The following SPHKAP variants were observed in gnomAD, a reference collection of about 807,000 sequenced individuals.
SPHKAP encodes SPHK1 interactor, AKAP domain containing, also known as A-kinase anchor protein SPHKAP.
Under a neutral mutation model 137.5 loss-of-function variants are expected in SPHKAP, and 67 were observed. The ratio of observed to expected loss-of-function variants is 0.49; its 90% CI spans 0.40 to 0.60. The LOEUF is 0.60. SPHKAP is among the 20% of genes least tolerant of loss of function. The pLI is 0.00. For synonymous variants in SPHKAP, 813 were observed against 785.3 expected, an observed-to-expected ratio of 1.04 and a Z score of -0.59; for missense variants, 2,097 against 2,069.3, an observed-to-expected ratio of 1.01 and a Z score of -0.26.
At chr2:228,150,916 G>A (rs1699909693) in intron 1 of SPHKAP, among the ~76,000 whole-genome samples, 1 of 151,564 alleles carries the variant, frequency 6.6e-6, no homozygotes, top group South Asian at 2.1e-4. Flanking sequence ...TGCATAGATA[G>A]TTTATTTATT....
intron 3 of SPHKAP, among the ~76,000 whole-genome samples, chr2:228,106,522 A>G (rs1189279797): frequency 6.6e-6 from 1 of 152,218 alleles, no homozygotes; most frequent in African/African-American, 2.4e-5. Flanking sequence ...TTAAAATTAA[A>G]CTTTAATGAG....
chr2:228,076,026 G>T (rs570936995), intron 3 of SPHKAP, among the ~76,000 whole-genome samples: 8 of 152,236 alleles, frequency 5.3e-5, no homozygotes, highest in African/African-American at 1.9e-4. Flanking sequence ...GGTCTTTTCT[G>T]CATGTTCTCA....
intron 3 of SPHKAP, among the ~76,000 whole-genome samples, chr2:228,071,324 T>G (rs555378512): frequency 6.6e-6 from 1 of 152,370 alleles, no homozygotes; most frequent in African/African-American, 2.4e-5. Flanking sequence ...AACCTGTTCA[T>G]GCAAATATTT....
chr2:227,994,780 T>C (rs765742057), intron 8 of SPHKAP, among the ~76,000 whole-genome samples: 4 of 152,328 alleles, frequency 2.6e-5, no homozygotes, highest in Middle Eastern at 3.4e-3. Flanking sequence ...TGACAAACTC[T>C]TTAACATTGT....
At chr2:227,995,840 C>A in intron 7 of SPHKAP, 146 bp from the exon 8 acceptor site, 1 of 1,256,514 alleles carries the variant, frequency 8.0e-7, no homozygotes, top group Non-Finnish European at 1.0e-6. Context: ...TCTGCTGGTG[C>A]CCTAGGTCCC....
In SPHKAP at chr2:228,181,632, G is replaced by A; in HGVS notation, c.-34C>T. 1 of 1,614,152 alleles carries A rather than the reference G, an allele frequency of 6.2e-7. No homozygotes were observed. Among genetic ancestry groups the A allele is most frequent in the Non-Finnish European group, 8.5e-7 (1 of 1,180,006 alleles). On this transcript the variant is annotated 5_prime_UTR_variant, in exon 1 of 12. Transcript: ENST00000392056. The surrounding 1 kb of genome is among the most constrained non-coding windows in gnomAD (Gnocchi z 4.3). ...GGCGCCCAGAGAAGAAAGACGGAAAGTGCAGGCGAAGGATAAGTCTGTGGT... is the reference window on the plus strand; with the variant it reads ...GGCGCCCAGAGAAGAAAGACGGAAAATGCAGGCGAAGGATAAGTCTGTGGT...
At chr2:228,022,000 A>G in intron 5 of SPHKAP, 34 bp from the exon 6 acceptor site, 1 of 1,540,670 alleles carries the variant, frequency 6.5e-7, no homozygotes. Context: ...CATTTATTCA[A>G]AAGGGAAAAT....
rs938606602 is a variant in SPHKAP at position 228,079,896 on chromosome 2, G to C, written c.246+28936C>G. On this transcript the variant is annotated intron_variant, in intron 3 of 11. Coordinates refer to ENST00000392056, the MANE Select transcript of SPHKAP (RefSeq NM_001142644.2). ...CCAGCCCCTAAACGCTAGCAGCAAG[G>C]CCTCCCTCAAACCACGCCATGTGCA... Among the ~76,000 whole-genome samples, 3 of 152,176 alleles carry C rather than the reference G, an allele frequency of 2.0e-5. 1 individual carries two copies. Among genetic ancestry groups the C allele is most frequent in the Non-Finnish European group, 2.9e-5 (2 of 68,038 alleles).
chr2:227,996,419 G>A (rs72973320), intron 7 of SPHKAP, among the ~76,000 whole-genome samples: 10,403 of 152,130 alleles, frequency 0.068, 510 homozygotes, highest in Middle Eastern at 0.2. Context: ...GTGAATTTCT[G>A]TCTCTCTGGT....
chr2:228,017,234 C>T lies in SPHKAP; in HGVS notation c.3620G>A (p.Arg1207Lys). The change falls in exon 7 of 12, where the codon AGA becomes AAA. Residue 1207 changes from arginine to lysine, a missense_variant. Transcript: ENST00000392056. The stretch of plus-strand genomic sequence containing the variant: ...GCTCCGTCTGGAGGAGGCACTTTCT[C>T]TGCTGTCTCTTTCGATGTCCCTCAG... The part of the protein sequence containing the change: ...YMLRDIERDS[R>K]ESASSRRSSQ... The T allele has an allele frequency of 6.2e-7, 1 of 1,614,062 alleles. No individual in the cohort carries two copies. Among genetic ancestry groups the T allele is most frequent in the South Asian group, 1.1e-5 (1 of 91,078 alleles).
intron 3 of SPHKAP, among the ~76,000 whole-genome samples, chr2:228,096,078 C>T (rs1032905287): frequency 2.0e-5 from 3 of 152,110 alleles, no homozygotes; most frequent in Admixed American, 1.3e-4. Context: ...TTGAAAACAT[C>T]AGCAAGAACT....
chr2:228,049,929 C>T lies in SPHKAP; in HGVS notation c.247-22386G>A, dbSNP rs542054009. 2.6e-4 allele frequency among the ~76,000 whole-genome samples: 39 copies of T among 152,044 alleles called. 1 individual carries two copies. The highest frequency in any genetic ancestry group is 5.1e-4 in the Non-Finnish European group (35 of 67,998). ...CCTACAGAATGGGAGAAAATCTTCA[C>T]AAACTCCAACATCCAACAAAGGTCT... On this transcript the variant is annotated intron_variant, in intron 3 of 11. Coordinates refer to ENST00000392056, the MANE Select transcript of SPHKAP (RefSeq NM_001142644.2).
rs540569043 is a variant in SPHKAP at position 228,123,386 on chromosome 2, G to A, written c.138+8594C>T. Among the ~76,000 whole-genome samples, 5 of 152,286 alleles carry A rather than the reference G, an allele frequency of 3.3e-5. No individual in the cohort carries two copies. In the South Asian group the frequency reaches 1.0e-3, roughly 32 times the overall value. ...ACAGGCTGCTAGGTCAGAAGAGAGT[G>A]TTTGAGACTTGAGAGTTGTTTATAC... is the stretch of plus-strand genomic sequence containing the variant. On this transcript the variant is annotated intron_variant, in intron 2 of 11. Transcript: ENST00000392056.
At chr2:228,114,062 G>C (rs1422650304) in intron 2 of SPHKAP, among the ~76,000 whole-genome samples, 4 of 152,140 alleles carry the variant, frequency 2.6e-5, no homozygotes, top group Non-Finnish European at 5.9e-5. Context: ...TCTCCCTGCT[G>C]AGAGAGTTGC....
intron 1 of SPHKAP, among the ~76,000 whole-genome samples, chr2:228,137,505 A>G (rs1699471895): frequency 6.6e-6 from 1 of 152,202 alleles, no homozygotes; most frequent in South Asian, 2.1e-4. Flanking sequence ...AAGTAAACAC[A>G]GTGTAAAGTT....
intron 1 of SPHKAP, among the ~76,000 whole-genome samples, chr2:228,171,237 G>A (rs545563110): frequency 2.0e-5 from 3 of 152,120 alleles, no homozygotes; most frequent in Admixed American, 2.0e-4. Context: ...ACAATCTGTT[G>A]CATATCATTT....
At chr2:228,043,569 C>T (rs886443456) in intron 3 of SPHKAP, among the ~76,000 whole-genome samples, 8 of 152,122 alleles carry the variant, frequency 5.3e-5, no homozygotes, top group South Asian at 2.1e-4. Context: ...TCAAGTGATC[C>T]GCCCATCTTG....
intron 1 of SPHKAP, among the ~76,000 whole-genome samples, chr2:228,178,618 C>A (rs1030316860): frequency 6.6e-6 from 1 of 152,012 alleles, no homozygotes; most frequent in Admixed American, 6.5e-5. Context: ...GACTAAAGAA[C>A]CTCTATCAGC....
At chr2:228,096,134 G>A (rs1429338162) in intron 3 of SPHKAP, among the ~76,000 whole-genome samples, 3 of 152,120 alleles carry the variant, frequency 2.0e-5, no homozygotes, top group Non-Finnish European at 2.9e-5. Context: ...CTAATAAAAC[G>A]TGGGCAAAGG....
Sources: allele counts gnomAD v4.1 joint callset (sites outside exome capture counted in the v4.1 genomes callset), GRCh38; gene constraint gnomAD v4.1.1; non-coding constraint Gnocchi (gnomAD v3.1); transcripts MANE v1.5; gene names NCBI Gene and HGNC (gene_info 2026-07-23, HGNC 2026-07-21).